The following PLBD1 variants were observed in gnomAD, a reference collection of about 807,000 sequenced individuals.
PLBD1 encodes the protein phospholipase B domain containing 1.
In PLBD1, 60 loss-of-function variants were observed where a neutral mutation model predicts 63.0. That is an observed-to-expected ratio of 0.95 (90% CI 0.77 to 1.18). The LOEUF is 1.18. Ranked by LOEUF, PLBD1 falls within the 50% of genes most tolerant of loss-of-function variation. The probability of loss-of-function intolerance (pLI) is 0.00; values close to 1 mark genes in which losing one functional copy is unlikely to be tolerated. For synonymous variants in PLBD1, 262 were observed against 248.0 expected (o/e 1.06, Z -0.53); for missense variants, 598 against 677.9 (o/e 0.88, Z 1.31).
intron 6 of PLBD1, among the ~76,000 whole-genome samples, chr12:14,531,417 T>G (rs1402514519): frequency 6.6e-6 from 1 of 152,224 alleles, no homozygotes; most frequent in Non-Finnish European, 1.5e-5. Context: ...CCACTCTACC[T>G]GTGAATCCTG....
intron 6 of PLBD1, among the ~76,000 whole-genome samples, chr12:14,534,543 C>CTTTTTTTT (rs1286445435): frequency 7.3e-6 from 1 of 137,834 alleles, no homozygotes; most frequent in Non-Finnish European, 1.6e-5. Flanking sequence ...CTTTTCTTTT[C>CTTTTTTTT]TTTTTTTTTT....
At chr12:14,565,329 G>A (rs1412789156) in intron 1 of PLBD1, among the ~76,000 whole-genome samples, 1 of 151,984 alleles carries the variant, frequency 6.6e-6, no homozygotes, top group Non-Finnish European at 1.5e-5. Context: ...AGCTGGGCGT[G>A]GTGGTGTGTG....
chr12:14,553,463 G>GC, intron 1 of PLBD1, 51 bp from the exon 2 acceptor site: 2 of 1,409,516 alleles, frequency 1.4e-6, no homozygotes, highest in Non-Finnish European at 2.0e-6. Flanking sequence ...GAGTTGTGAT[G>GC]CATTTTTTTC....
intron 8 of PLBD1, among the ~76,000 whole-genome samples, chr12:14,507,936 C>G (rs556691822): frequency 2.6e-5 from 4 of 152,306 alleles, no homozygotes; most frequent in African/African-American, 9.6e-5. Context: ...CAAGGAATGT[C>G]TCCACCATGC....
At chr12:14,505,413 C>T (rs1945245948) in intron 10 of PLBD1, among the ~76,000 whole-genome samples, 1 of 152,152 alleles carries the variant, frequency 6.6e-6, no homozygotes, top group Non-Finnish European at 1.5e-5. Flanking sequence ...TTCCACCAAC[C>T]AAATGCCTCA....
intron 1 of PLBD1, among the ~76,000 whole-genome samples, chr12:14,560,520 T>C (rs551523455): frequency 3.9e-5 from 6 of 152,246 alleles, no homozygotes; most frequent in South Asian, 2.1e-4. Context: ...TTCTCTTTTA[T>C]GTCTGCTCGG....
intron 1 of PLBD1, among the ~76,000 whole-genome samples, chr12:14,566,531 T>A (rs1330810938): frequency 1.3e-5 from 2 of 152,208 alleles, no homozygotes; most frequent in East Asian, 3.8e-4. Context: ...CAGTTCATAA[T>A]CTTCACCTCC....
chr12:14,539,893 T>C (rs1390655804), intron 4 of PLBD1, among the ~76,000 whole-genome samples: 2 of 149,534 alleles, frequency 1.3e-5, no homozygotes, highest in African/African-American at 2.5e-5. Flanking sequence ...TATACACATA[T>C]ATATACACAC....
At chr12:14,564,584 A>G (rs556054415) in intron 1 of PLBD1, among the ~76,000 whole-genome samples, 1 of 152,382 alleles carries the variant, frequency 6.6e-6, no homozygotes, top group South Asian at 2.1e-4. Context: ...AGCAGACCTC[A>G]CAAATATCCA....
chr12:14,557,840 A>C (rs1307252048), intron 1 of PLBD1, among the ~76,000 whole-genome samples: 1 of 152,102 alleles, frequency 6.6e-6, no homozygotes, highest in Non-Finnish European at 1.5e-5. Flanking sequence ...ATAAAAGTTA[A>C]AAACAGAAAT....
intron 1 of PLBD1, among the ~76,000 whole-genome samples, chr12:14,564,082 A>T (rs1945763060): frequency 1.3e-5 from 2 of 149,098 alleles, no homozygotes; most frequent in South Asian, 4.2e-4. Context: ...TCTACAAATA[A>T]TTTTTTTTTT....
In PLBD1 at chr12:14,553,204, GT is replaced by G; in HGVS notation, c.323del (p.Tyr108SerfsTer7). On this transcript the variant is annotated frameshift_variant, in exon 2 of 11. Transcript: ENST00000240617. LOFTEE classifies it high-confidence loss of function. ...IMFVAGFLEG[Y>X]LTAPHMNDHY... Reference sequence around the variant, plus strand: ...ACTGGGATACTTACGGGGCAGTGAGGTAACCCTCCAAAAAGCCAGCCACAAA... The same window carrying G: ...ACTGGGATACTTACGGGGCAGTGAGGAACCCTCCAAAAAGCCAGCCACAAA... 1.2e-6 allele frequency: 2 copies of G among 1,611,128 alleles called. No homozygotes were observed. The highest frequency in any genetic ancestry group is 8.5e-7 in the Non-Finnish European group (1 of 1,178,922).
intron 6 of PLBD1, among the ~76,000 whole-genome samples, chr12:14,528,906 T>C (rs571610366): frequency 1.3e-5 from 2 of 152,272 alleles, no homozygotes; most frequent in Admixed American, 1.3e-4. Flanking sequence ...TTTTTAAAAC[T>C]AACTCAAGAA....
chr12:14,534,805 G>A (rs1267547726), intron 6 of PLBD1, among the ~76,000 whole-genome samples: 2 of 152,216 alleles, frequency 1.3e-5, no homozygotes, highest in East Asian at 3.8e-4. Context: ...GCCTCCCAAA[G>A]TGTTGGGATT....
intron 8 of PLBD1, among the ~76,000 whole-genome samples, chr12:14,509,970 G>C (rs954709077): frequency 2.0e-5 from 3 of 152,162 alleles, no homozygotes; most frequent in Admixed American, 6.5e-5. Context: ...AGCCAGATGA[G>C]TCTCAGAATT....
chr12:14,534,720 T>C (rs1002233298), intron 6 of PLBD1, among the ~76,000 whole-genome samples: 1 of 152,110 alleles, frequency 6.6e-6, no homozygotes, highest in South Asian at 2.1e-4. Flanking sequence ...ATTTTTTGTA[T>C]TTTTAGTAGA....
At chr12:14,556,658 C>T (rs1012353929) in intron 1 of PLBD1, among the ~76,000 whole-genome samples, 5 of 151,478 alleles carry the variant, frequency 3.3e-5, no homozygotes, top group African/African-American at 4.8e-5. Context: ...CATGAGCCAC[C>T]GTGCCTGGCC....
At chr12:14,510,349 G>A (rs3762112) in intron 8 of PLBD1, among the ~76,000 whole-genome samples, 87,221 of 151,924 alleles carry the variant, frequency 0.57, 25,254 homozygotes, top group Admixed American at 0.66. Flanking sequence ...AGCCGAGATC[G>A]CACCACCGTA....
intron 6 of PLBD1, among the ~76,000 whole-genome samples, chr12:14,517,170 C>T (rs371427280): frequency 1.3e-5 from 2 of 152,122 alleles, no homozygotes; most frequent in South Asian, 4.1e-4. Context: ...TGTTTTGAGA[C>T]AGGCCATGCT....
Sources: allele counts gnomAD v4.1 joint callset (sites outside exome capture counted in the v4.1 genomes callset), GRCh38; gene constraint gnomAD v4.1.1; transcripts MANE v1.5; gene names NCBI Gene and HGNC (gene_info 2026-07-23, HGNC 2026-07-21).